The following ABI3BP variants were observed in gnomAD, a reference collection of about 807,000 sequenced individuals.
The protein encoded by ABI3BP is target of Nesh-SH3.
In ABI3BP, 216 loss-of-function variants were observed where a neutral mutation model predicts 268.6. The observed-to-expected ratio is 0.80, with a 90% CI of 0.72 to 0.90. The LOEUF (loss-of-function observed/expected upper bound fraction) is 0.90. ABI3BP is among the 40% of genes least tolerant of loss of function. The probability of loss-of-function intolerance (pLI) is 0.00; values close to 1 mark genes in which losing one functional copy is unlikely to be tolerated. For synonymous variants in ABI3BP, 730 were observed against 730.0 expected, an observed-to-expected ratio of 1.00 and a Z score of 0.00; for missense variants, 2,090 against 2,182.4, an observed-to-expected ratio of 0.96 and a Z score of 0.84.
intron 34 of ABI3BP, among the ~76,000 whole-genome samples, chr3:100,827,294 G>A (rs1195538365): frequency 6.6e-6 from 1 of 152,060 alleles, no homozygotes; most frequent in African/African-American, 2.4e-5. Flanking sequence ...GATCCTGCAG[G>A]TCTCTTCTAA....
intron 14 of ABI3BP, among the ~76,000 whole-genome samples, chr3:100,857,736 T>G (rs945444626): frequency 6.6e-6 from 1 of 152,234 alleles, no homozygotes; most frequent in Non-Finnish European, 1.5e-5. Flanking sequence ...AGCCTAATTT[T>G]TCCCCCCTCT....
At chr3:100,873,141 C>T (rs193300458) in intron 9 of ABI3BP, among the ~76,000 whole-genome samples, 191 of 152,128 alleles carry the variant, frequency 1.3e-3, no homozygotes, top group African/African-American at 4.4e-3. Context: ...ACTGGATTGC[C>T]CCAGATCAGT....
intron 61 of ABI3BP, among the ~76,000 whole-genome samples, chr3:100,772,443 A>G (rs2096573361): frequency 6.6e-6 from 1 of 152,238 alleles, no homozygotes; most frequent in African/African-American, 2.4e-5. Context: ...AGTAAAATGT[A>G]TGACAATAAT....
intron 2 of ABI3BP, chr3:100,910,935 T>C (rs2056173285): frequency 1.3e-5 from 2 of 156,244 alleles, no homozygotes; most frequent in African/African-American, 2.4e-5. Context: ...ATCCGCCAAA[T>C]GAAAAAAAAA....
rs2095184151 is a variant in ABI3BP, at chr3:100,749,208, A to C, written c.*1287T>G. 1 of 44,964 alleles carries C rather than the reference A, an allele frequency of 2.2e-5. No homozygotes were observed. Among genetic ancestry groups the C allele is most frequent in the Non-Finnish European group, 5.2e-5 (1 of 19,300 alleles). 2.8% of individuals were successfully genotyped at this position (44,964 alleles called of 1,614,324 possible). ...ATAGGATGAAAGGTTAATTTAGGAC[A>C]TAAACAAACAGTAGATATAATGGGG... is the stretch of plus-strand genomic sequence containing the variant. On this transcript the variant is annotated 3_prime_UTR_variant, in exon 68 of 68. Transcript: ENST00000471714.
chr3:100,880,955 G>GGTTAAAACA (rs1478520912), intron 6 of ABI3BP, among the ~76,000 whole-genome samples: 2 of 152,002 alleles, frequency 1.3e-5, no homozygotes, highest in Admixed American at 1.3e-4. Context: ...TTAAAACAGT[G>GGTTAAAACA]GCTCAAAGTC....
rs1334966306 is a variant in ABI3BP at position 100,780,193 on chromosome 3, G to C, written c.4179C>G (p.Pro1393=). The C allele has an allele frequency of 6.2e-7, 1 of 1,612,700 alleles. No individual in the cohort carries two copies. The highest frequency in any genetic ancestry group is 8.5e-7 in the Non-Finnish European group (1 of 1,179,080). Residue 1393 remains proline (P), a synonymous_variant, in exon 58 of 68, where the codon CCC becomes CCG. Coordinates refer to ENST00000471714, the MANE Select transcript of ABI3BP (RefSeq NM_001375547.2). ...CATTTCTATCAGCACCTGATGGCCTGGGTGCTTGCTTGACCCCTATGAGCA... is the reference window on the plus strand; with the variant it reads ...CATTTCTATCAGCACCTGATGGCCTCGGTGCTTGCTTGACCCCTATGAGCA... ...NGVGTGVKQA[P]RPSGADRNVS... is the part of the protein sequence containing the mutation.
intron 14 of ABI3BP, among the ~76,000 whole-genome samples, chr3:100,861,793 G>A (rs565204225): frequency 2.0e-5 from 3 of 152,128 alleles, no homozygotes; most frequent in South Asian, 2.1e-4. Context: ...CTAGGAGAGC[G>A]AGGCCTGGAA....
chr3:100,861,697 A>G (rs906118142), intron 14 of ABI3BP, among the ~76,000 whole-genome samples: 2 of 72,974 alleles, frequency 2.7e-5, no homozygotes, highest in Non-Finnish European at 6.5e-5. Flanking sequence ...TCTCCACAGG[A>G]AAAAAAAAAA....
chr3:100,940,404 C>T (rs1004651294), intron 1 of ABI3BP, among the ~76,000 whole-genome samples: 9 of 152,024 alleles, frequency 5.9e-5, no homozygotes, highest in Admixed American at 4.6e-4. Context: ...ATGACTTCAG[C>T]CGGTCCCTCC....
chr3:100,809,647 T>C (rs2097797391), intron 49 of ABI3BP, among the ~76,000 whole-genome samples: 1 of 152,022 alleles, frequency 6.6e-6, no homozygotes. Context: ...AGACAATGAG[T>C]AAACTTAAAA....
intron 1 of ABI3BP, 81 bp downstream of exon 1, chr3:100,993,225 G>T: frequency 2.0e-6 from 2 of 1,020,016 alleles, no homozygotes; most frequent in Non-Finnish European, 2.9e-6. Context: ...GTATGGTAAA[G>T]CAGATCATAT....
At chr3:100,870,680 C>T (rs2099100228) in intron 9 of ABI3BP, among the ~76,000 whole-genome samples, 2 of 152,214 alleles carry the variant, frequency 1.3e-5, no homozygotes. Flanking sequence ...TATGACCCAG[C>T]AATCCCTCTT....
At chr3:100,796,591 T>G (rs1483593922) in intron 51 of ABI3BP, 123 bp from the exon 52 acceptor site, 1 of 613,840 alleles carries the variant, frequency 1.6e-6, no homozygotes, top group South Asian at 3.8e-5. Flanking sequence ...CAATGGTTAA[T>G]GACCAAAGTT....
At chr3:100,932,964 G>A (rs949148774) in intron 1 of ABI3BP, among the ~76,000 whole-genome samples, 2 of 151,910 alleles carry the variant, frequency 1.3e-5, no homozygotes, top group Non-Finnish European at 2.9e-5. Context: ...GGAGAGAAAG[G>A]AATCATCATT....
At chr3:100,929,813 C>T (rs911040669) in intron 1 of ABI3BP, among the ~76,000 whole-genome samples, 1 of 152,046 alleles carries the variant, frequency 6.6e-6, no homozygotes, top group African/African-American at 2.4e-5. Context: ...GCCTTCCCTA[C>T]ATGCCTTGAC....
At position 100,833,102 on chromosome 3, in the gene ABI3BP, TGAAGGACATAGA is replaced by T. The variant is rs2098519918; in HGVS notation, c.2314+11_2314+22del. Reference sequence around the variant, plus strand: ...ACAATGAGTAAGAAAAAGGACTTGCTGAAGGACATAGAGAGTCATTACCTGAAGATGTCCCAG... The same window carrying T: ...ACAATGAGTAAGAAAAAGGACTTGCTGAGTCATTACCTGAAGATGTCCCAG... On this transcript the variant is annotated intron_variant, in intron 30 of 67. Coordinates refer to ENST00000471714, the MANE Select transcript of ABI3BP (RefSeq NM_001375547.2). 2 of 1,530,620 alleles carry T rather than the reference TGAAGGACATAGA, an allele frequency of 1.3e-6. No homozygotes were observed. Among genetic ancestry groups the T allele is most frequent in the African/African-American group, 2.7e-5 (2 of 72,808 alleles). 94.8% of individuals were successfully genotyped at this position (1,530,620 alleles called of 1,614,324 possible).
intron 2 of ABI3BP, among the ~76,000 whole-genome samples, chr3:100,912,727 A>C (rs1478877248): frequency 6.6e-6 from 1 of 152,220 alleles, no homozygotes; most frequent in Admixed American, 6.5e-5. Flanking sequence ...CATTTCATCA[A>C]CACTAAGCCT....
intron 6 of ABI3BP, among the ~76,000 whole-genome samples, chr3:100,882,996 T>A (rs746725195): frequency 1.5e-4 from 23 of 152,100 alleles, no homozygotes; most frequent in Non-Finnish European, 3.1e-4. Context: ...GTACAGCAGA[T>A]CTACGTTTCC....
Sources: allele counts gnomAD v4.1 joint callset (sites outside exome capture counted in the v4.1 genomes callset), GRCh38; gene constraint gnomAD v4.1.1; transcripts MANE v1.5; gene names NCBI Gene and HGNC (gene_info 2026-07-23, HGNC 2026-07-21).